The following CFAP210 variants were observed in gnomAD, a reference collection of about 807,000 sequenced individuals.
CFAP210 encodes the protein cilia- and flagella- associated protein 210.
chr2:169,650,732 A>G, the CFAP210 span, among the ~76,000 whole-genome samples: 1 of 62,818 alleles, frequency 1.6e-5, no homozygotes, highest in African/African-American at 6.3e-5. Flanking sequence ...AATATGTATA[A>G]TCTGTGTGTG....
At chr2:169,687,895 G>A in the CFAP210 span, among the ~76,000 whole-genome samples, 1 of 152,192 alleles carries the variant, frequency 6.6e-6, no homozygotes, top group Non-Finnish European at 1.5e-5. Context: ...GGACATCCAG[G>A]CATTTCCATA....
At chr2:169,688,687 A>G in the CFAP210 span, among the ~76,000 whole-genome samples, 1 of 152,202 alleles carries the variant, frequency 6.6e-6, no homozygotes, top group Admixed American at 6.5e-5. Flanking sequence ...TCCATCTGAG[A>G]CCATCTCAGC....
the CFAP210 span, among the ~76,000 whole-genome samples, chr2:169,665,924 C>T: frequency 2.6e-5 from 4 of 152,154 alleles, no homozygotes; most frequent in African/African-American, 9.7e-5. Flanking sequence ...ACAGGGGACT[C>T]ACTATGTTAC....
At chr2:169,667,754 C>T in the CFAP210 span, among the ~76,000 whole-genome samples, 2 of 151,986 alleles carry the variant, frequency 1.3e-5, no homozygotes, top group Non-Finnish European at 2.9e-5. Context: ...TTCTGAGCAG[C>T]AGATGTCAAT....
At chr2:169,647,462 C>T in the CFAP210 span, among the ~76,000 whole-genome samples, 1 of 152,174 alleles carries the variant, frequency 6.6e-6, no homozygotes, top group South Asian at 2.1e-4. Context: ...AAAACGCTAA[C>T]AGATGAAGGT....
chr2:169,691,675 G>A, the CFAP210 span, among the ~76,000 whole-genome samples: 1 of 152,030 alleles, frequency 6.6e-6, no homozygotes, highest in Non-Finnish European at 1.5e-5. Flanking sequence ...TCTTGTGTTT[G>A]GGTCATACTT....
At chr2:169,659,477 G>A in the CFAP210 span, among the ~76,000 whole-genome samples, 1 of 152,188 alleles carries the variant, frequency 6.6e-6, no homozygotes, top group Non-Finnish European at 1.5e-5. Flanking sequence ...CAGAGAGAGT[G>A]TGAAGGGGGA....
At chr2:169,675,319 G>C in the CFAP210 span, among the ~76,000 whole-genome samples, 1 of 152,108 alleles carries the variant, frequency 6.6e-6, no homozygotes, top group Non-Finnish European at 1.5e-5. Context: ...AGAAATACCA[G>C]AGACTGGGTA....
chr2:169,680,980 GTGTA>G, the CFAP210 span: 10 of 1,576,176 alleles, frequency 6.3e-6, no homozygotes, highest in South Asian at 2.2e-5. Context: ...TTCAGTGCAT[GTGTA>G]CTCCTGGATG....
the CFAP210 span, chr2:169,650,475 G>C: frequency 1.3e-6 from 2 of 1,594,706 alleles, no homozygotes; most frequent in Non-Finnish European, 1.7e-6. Flanking sequence ...TCTTTCAACA[G>C]TTCACTCAGG....
chr2:169,692,444 GCACACACACACACACACACACACACACA>G, the CFAP210 span, among the ~76,000 whole-genome samples: 1 of 143,668 alleles, frequency 7.0e-6, no homozygotes, highest in Non-Finnish European at 1.5e-5. Context: ...ACAGGCGCAC[GCACACACACACACACACACACACACACA>G]CACACACACC....
At chr2:169,669,242 G>A in the CFAP210 span, among the ~76,000 whole-genome samples, 15 of 152,230 alleles carry the variant, frequency 9.9e-5, no homozygotes, top group Non-Finnish European at 2.1e-4. Context: ...GTAGATGTTC[G>A]AGGCCCTGGA....
chr2:169,685,235 C>T, the CFAP210 span, among the ~76,000 whole-genome samples: 62,028 of 152,064 alleles, frequency 0.41, 12,933 homozygotes, highest in Non-Finnish European at 0.44. Flanking sequence ...TAACAACATA[C>T]GAAGGTTTCA....
the CFAP210 span, among the ~76,000 whole-genome samples, chr2:169,651,226 G>GAAAAAA: frequency 1.4e-4 from 14 of 102,046 alleles, no homozygotes; most frequent in East Asian, 2.7e-4. Flanking sequence ...GACTCTGTCT[G>GAAAAAA]AAAAAAAAAA....
the CFAP210 span, among the ~76,000 whole-genome samples, chr2:169,669,737 T>C: frequency 6.8e-6 from 1 of 148,090 alleles, no homozygotes; most frequent in African/African-American, 2.5e-5. Flanking sequence ...ATCGCACCAC[T>C]GCACTCCAGT....
At chr2:169,674,622 T>G in the CFAP210 span, 1 of 1,609,836 alleles carries the variant, frequency 6.2e-7, no homozygotes, top group African/African-American at 1.3e-5. Flanking sequence ...CTGTGTCGTT[T>G]TTCTGCTTTT....
At chr2:169,665,793 T>C in the CFAP210 span, among the ~76,000 whole-genome samples, 1 of 152,134 alleles carries the variant, frequency 6.6e-6, no homozygotes, top group African/African-American at 2.4e-5. Context: ...TGTGAATTAT[T>C]TGTGCAGAAG....
the CFAP210 span, among the ~76,000 whole-genome samples, chr2:169,673,459 T>C: frequency 2.0e-5 from 3 of 152,230 alleles, no homozygotes; most frequent in East Asian, 5.8e-4. Context: ...AGAAAAACAT[T>C]ACAATAAATC....
At chr2:169,681,254 A>C in the CFAP210 span, 2 of 1,528,466 alleles carry the variant, frequency 1.3e-6, no homozygotes, top group Non-Finnish European at 1.8e-6. Flanking sequence ...GTAAAAAATG[A>C]TTATTAAAGA....
Sources: allele counts gnomAD v4.1 joint callset (sites outside exome capture counted in the v4.1 genomes callset), GRCh38; gene constraint gnomAD v4.1.1; transcripts MANE v1.5; gene names NCBI Gene and HGNC (gene_info 2026-07-23, HGNC 2026-07-21).